The following RBFOX1 variants were observed in gnomAD, a reference collection of about 807,000 sequenced individuals.
The protein encoded by RBFOX1 is RNA binding protein fox-1 homolog 1.
In RBFOX1, 8 loss-of-function variants were observed where a neutral mutation model predicts 57.7. The ratio of observed to expected loss-of-function variants is 0.14; its 90% CI spans 0.08 to 0.25. RBFOX1 has a LOEUF of 0.25. RBFOX1 is among the 10% of genes least tolerant of loss of function. RBFOX1 has a pLI of 1.00. For missense variants in RBFOX1, 611 were observed against 548.5 expected (o/e 1.11, Z -1.14); for synonymous variants, 326 against 222.4 (o/e 1.47, Z -4.15).
chr16:7,122,822 A>T (rs866860607), intron 4 of RBFOX1, among the ~76,000 whole-genome samples: 1 of 152,214 alleles, frequency 6.6e-6, no homozygotes, highest in Admixed American at 6.5e-5. Flanking sequence ...CTTCAAATAG[A>T]TGAATTTGAA....
At chr16:7,329,274 C>T (rs777909348) in intron 4 of RBFOX1, among the ~76,000 whole-genome samples, 1 of 152,182 alleles carries the variant, frequency 6.6e-6, no homozygotes, top group Non-Finnish European at 1.5e-5. Flanking sequence ...TGTTTCTTAG[C>T]CACTACCAGA....
At chr16:7,631,084 G>T (rs534863303) in intron 11 of RBFOX1, among the ~76,000 whole-genome samples, 45 of 152,322 alleles carry the variant, frequency 3.0e-4, no homozygotes, top group African/African-American at 1.0e-3. Context: ...GTACACAGTT[G>T]TCTCACGATG....
At chr16:7,213,453 C>G (rs1265411861) in intron 4 of RBFOX1, among the ~76,000 whole-genome samples, 2 of 152,030 alleles carry the variant, frequency 1.3e-5, no homozygotes, top group Non-Finnish European at 2.9e-5. Flanking sequence ...AAATGTGGTC[C>G]ATGAATCAGA....
chr16:7,404,508 A>G (rs1269552014), intron 4 of RBFOX1, among the ~76,000 whole-genome samples: 1 of 152,182 alleles, frequency 6.6e-6, no homozygotes, highest in Non-Finnish European at 1.5e-5. Flanking sequence ...CTTGGCATAA[A>G]TGACCTCCAT....
At chr16:7,614,942 A>T (rs943101405) in intron 10 of RBFOX1, 1 of 152,180 alleles carries the variant, frequency 6.6e-6, no homozygotes, top group Non-Finnish European at 1.5e-5. Context: ...CTAAGTTTCA[A>T]CCCCATGTTT....
At chr16:6,566,497 G>C (rs1162763150) in intron 2 of RBFOX1, among the ~76,000 whole-genome samples, 1 of 151,982 alleles carries the variant, frequency 6.6e-6, no homozygotes, top group East Asian at 1.9e-4. Flanking sequence ...CAGAGACTTT[G>C]TCATTAATGT....
chr16:6,413,058 G>C (rs1348365836), intron 2 of RBFOX1, among the ~76,000 whole-genome samples: 2 of 152,182 alleles, frequency 1.3e-5, no homozygotes, highest in Non-Finnish European at 2.9e-5. Context: ...AGTGCCTCAT[G>C]CCTATAATCC....
At chr16:5,536,732 C>T (rs1334329922) in intron 2 of RBFOX1, among the ~76,000 whole-genome samples, 1 of 150,694 alleles carries the variant, frequency 6.6e-6, no homozygotes, top group Non-Finnish European at 1.5e-5. Flanking sequence ...AATGGGTCAA[C>T]AGGGAGCAGG....
chr16:6,764,289 G>A (rs551752886), intron 3 of RBFOX1, among the ~76,000 whole-genome samples: 14 of 152,272 alleles, frequency 9.2e-5, no homozygotes, highest in African/African-American at 3.4e-4. Context: ...TGCTCAATCT[G>A]TGCACAAATG....
rs563951146 is a variant in RBFOX1 at position 6,635,967 on chromosome 16, C to T, written c.-63-18636C>T. ...TGGGGATGGGACCCAAGTTGAGAAC[C>T]GTCATTGCCTTATGCTTTATATGCA... is the stretch of plus-strand genomic sequence containing the variant. On this transcript the variant is annotated intron_variant, in intron 2 of 15. Coordinates refer to ENST00000550418, the MANE Select transcript of RBFOX1 (RefSeq NM_018723.4). Among the ~76,000 whole-genome samples the T allele has an allele frequency of 2.6e-5, 4 of 152,224 alleles. No individual in the cohort carries two copies. The South Asian group carries it at 8.3e-4, about 32-fold the overall frequency.
At chr16:5,952,274 C>T (rs2059537058) in intron 4 of RBFOX1, among the ~76,000 whole-genome samples, 1 of 151,952 alleles carries the variant, frequency 6.6e-6, no homozygotes. Flanking sequence ...CCTCAGCCTC[C>T]TGAGTAGCTG....
At chr16:5,473,917 AGGGTGGGTGGGTAGGTAGATGGATGGAT>A (rs1455191287) in intron 2 of RBFOX1, among the ~76,000 whole-genome samples, 2 of 62,030 alleles carry the variant, frequency 3.2e-5, no homozygotes, top group Non-Finnish European at 5.9e-5. Flanking sequence ...GAAGGAAGGA[AGGGTGGGTGGGTAGGTAGATGGATGGAT>A]GGGTGGGTGG....
intron 1 of RBFOX1, among the ~76,000 whole-genome samples, chr16:6,185,666 T>C (rs952237526): frequency 2.6e-5 from 4 of 152,262 alleles, no homozygotes; most frequent in Non-Finnish European, 4.4e-5. Context: ...ATTTCACCCC[T>C]ATACACTTGT....
chr16:6,343,940 G>A (rs1258688834), intron 2 of RBFOX1, among the ~76,000 whole-genome samples: 1 of 152,142 alleles, frequency 6.6e-6, no homozygotes, highest in Non-Finnish European at 1.5e-5. Context: ...CGAGTCTCTG[G>A]CTGTTACAAA....
At chr16:7,140,240 A>T (rs188881811) in intron 4 of RBFOX1, among the ~76,000 whole-genome samples, 249 of 117,020 alleles carry the variant, frequency 2.1e-3, no homozygotes, top group African/African-American at 7.8e-3. Flanking sequence ...TGGACAAATA[A>T]ATTTTGTCCA....
chr16:6,808,158 A>ATGTGTGTGTGTGTGTG (rs1434357255), intron 3 of RBFOX1, among the ~76,000 whole-genome samples: 1 of 104,562 alleles, frequency 9.6e-6, no homozygotes, highest in African/African-American at 4.4e-5. Context: ...TATACCTTAT[A>ATGTGTGTGTGTGTGTG]TATGTGTGTG....
At chr16:6,335,023 C>G (rs1457912849) in intron 2 of RBFOX1, among the ~76,000 whole-genome samples, 1 of 152,194 alleles carries the variant, frequency 6.6e-6, no homozygotes, top group Non-Finnish European at 1.5e-5. Flanking sequence ...TTGGGAATAC[C>G]TATTATGCCT....
chr16:6,028,631 T>C (rs966629864), intron 1 of RBFOX1, among the ~76,000 whole-genome samples: 2 of 151,870 alleles, frequency 1.3e-5, no homozygotes, highest in Non-Finnish European at 2.9e-5. Flanking sequence ...CTATGAGCTG[T>C]AATTGTGCCA....
At chr16:5,438,669 A>G (rs975380601) in intron 1 of RBFOX1, among the ~76,000 whole-genome samples, 3 of 152,028 alleles carry the variant, frequency 2.0e-5, no homozygotes, top group Admixed American at 1.3e-4. Context: ...GCACCCTCTT[A>G]TGGGAAGCAA....
Sources: allele counts gnomAD v4.1 joint callset (sites outside exome capture counted in the v4.1 genomes callset), GRCh38; gene constraint gnomAD v4.1.1; transcripts MANE v1.5; gene names NCBI Gene and HGNC (gene_info 2026-07-23, HGNC 2026-07-21).